Variants in RSU1 observed in about 807,000 individuals in gnomAD.
The protein encoded by RSU1 is rsu-1.
A neutral mutation model predicts 31.1 loss-of-function variants in RSU1; 26 were observed. The observed-to-expected ratio is 0.84, with a 90% CI of 0.61 to 1.16. RSU1 has a LOEUF of 1.16. RSU1 is among the 50% of genes most tolerant of loss of function. The pLI is 0.00. For synonymous variants in RSU1, 164 were observed against 136.3 expected, an observed-to-expected ratio of 1.20 and a Z score of -1.41; for missense variants, 320 against 339.1, an observed-to-expected ratio of 0.94 and a Z score of 0.44.
chr10:16,714,071 G>T (rs1347156014), intron 7 of RSU1, among the ~76,000 whole-genome samples: 1 of 152,182 alleles, frequency 6.6e-6, no homozygotes, highest in Non-Finnish European at 1.5e-5. Context: ...GAATATGTAT[G>T]GGTGTGGAGG....
rs1564298222 is a variant in RSU1 at position 16,645,901 on chromosome 10, CACATATATGTATATATATGTGTATAT to C, written c.731+49096_731+49121del. Among the ~76,000 whole-genome samples the C allele has an allele frequency of 7.3e-4, 37 of 50,598 alleles. 6 individuals are homozygous for C. The highest frequency in any genetic ancestry group is 2.3e-4 in the Non-Finnish European group (7 of 30,698). The allele number at this position is 50,598 out of a possible 152,430, so 33.2% of individuals were successfully genotyped here. On this transcript the variant is annotated intron_variant, in intron 8 of 8. Coordinates refer to ENST00000345264, the MANE Select transcript of RSU1 (RefSeq NM_012425.4). ...ATGTGTATATACATATATGTATATACACATATATGTATATATATGTGTATATACACATATGTGTATATATATGTGTA... is the reference window on the plus strand; with the variant it reads ...ATGTGTATATACATATATGTATATACACACATATGTGTATATATATGTGTA...
chr10:16,668,965 G>C (rs1835051483), intron 8 of RSU1, among the ~76,000 whole-genome samples: 1 of 151,380 alleles, frequency 6.6e-6, no homozygotes, highest in African/African-American at 2.5e-5. Flanking sequence ...ATATAGTTAT[G>C]GCCATAGACA....
intron 8 of RSU1, among the ~76,000 whole-genome samples, chr10:16,672,662 C>T (rs1242688472): frequency 6.6e-6 from 1 of 151,788 alleles, no homozygotes. Context: ...TTATCGAACA[C>T]TCTACAAAAT....
intron 8 of RSU1, among the ~76,000 whole-genome samples, chr10:16,603,986 A>G (rs1833755324): frequency 6.6e-6 from 1 of 152,170 alleles, no homozygotes; most frequent in African/African-American, 2.4e-5. Context: ...CTCAGAACCT[A>G]AATAGTAATC....
At chr10:16,707,117 T>C (rs1373290423) in intron 7 of RSU1, among the ~76,000 whole-genome samples, 6 of 152,228 alleles carry the variant, frequency 3.9e-5, no homozygotes, top group Admixed American at 2.6e-4. Context: ...ATTATGTATA[T>C]ATACATTTTC....
intron 7 of RSU1, among the ~76,000 whole-genome samples, chr10:16,742,431 C>T (rs941176825): frequency 6.6e-6 from 1 of 152,112 alleles, no homozygotes; most frequent in Non-Finnish European, 1.5e-5. Flanking sequence ...CTCTCACACT[C>T]ACACACGCAT....
intron 3 of RSU1, among the ~76,000 whole-genome samples, chr10:16,771,086 G>GGC (rs1294430368): frequency 2.6e-5 from 4 of 152,040 alleles, no homozygotes; most frequent in Admixed American, 1.3e-4. Context: ...GACAGAGGAT[G>GGC]GCAGAGGATA....
intron 2 of RSU1, among the ~76,000 whole-genome samples, chr10:16,806,926 G>A (rs1219845365): frequency 6.6e-6 from 1 of 152,120 alleles, no homozygotes; most frequent in Non-Finnish European, 1.5e-5. Context: ...GCTAATTCTT[G>A]TATTGTTAGT....
chr10:16,635,229 G>A (rs1034751667), intron 8 of RSU1, among the ~76,000 whole-genome samples: 1 of 152,208 alleles, frequency 6.6e-6, no homozygotes, highest in African/African-American at 2.4e-5. Context: ...ATGCAGCAAT[G>A]AGAAGAGAAA....
At chr10:16,793,561 T>C (rs1362725223) in intron 2 of RSU1, among the ~76,000 whole-genome samples, 2 of 152,038 alleles carry the variant, frequency 1.3e-5, no homozygotes, top group African/African-American at 4.8e-5. Context: ...CAGTTTTTGC[T>C]CCAGGAAAAA....
chr10:16,746,305 G>A (rs770600223), intron 7 of RSU1, among the ~76,000 whole-genome samples: 43 of 152,180 alleles, frequency 2.8e-4, no homozygotes, highest in Admixed American at 1.7e-3. Context: ...GCAGACATAC[G>A]TCCCATAGGC....
At chr10:16,605,184 C>T (rs748051000) in intron 8 of RSU1, among the ~76,000 whole-genome samples, 5 of 152,202 alleles carry the variant, frequency 3.3e-5, no homozygotes, top group Non-Finnish European at 5.9e-5. Context: ...TTGATGAATA[C>T]GTCACCACTC....
intron 8 of RSU1, among the ~76,000 whole-genome samples, chr10:16,656,989 T>C (rs1024123861): frequency 5.9e-5 from 9 of 152,238 alleles, no homozygotes; most frequent in Non-Finnish European, 1.2e-4. Context: ...CTTTAAATCT[T>C]GGAAATATGC....
intron 7 of RSU1, among the ~76,000 whole-genome samples, chr10:16,708,657 A>G (rs1835954678): frequency 1.3e-5 from 2 of 152,110 alleles, no homozygotes; most frequent in South Asian, 4.1e-4. Context: ...TCAAATCTGT[A>G]GATTATTTTA....
At chr10:16,817,136 G>C in intron 1 of RSU1, 52 bp from the exon 2 acceptor site, 1 of 1,353,762 alleles carries the variant, frequency 7.4e-7, no homozygotes. Context: ...GCGCAGAGGC[G>C]GAAAGGCAAG....
In RSU1 at chr10:16,660,223, G is replaced by A. The variant is rs144241106; in HGVS notation, c.731+34800C>T. Among the ~76,000 whole-genome samples, 1,395 of 152,328 alleles carry A rather than the reference G, an allele frequency of 9.2e-3. 9 individuals carry two copies. Among genetic ancestry groups the A allele is most frequent in the Non-Finnish European group, 0.013 (890 of 68,026 alleles). On this transcript the variant is annotated intron_variant, in intron 8 of 8. Coordinates refer to ENST00000345264, the MANE Select transcript of RSU1 (RefSeq NM_012425.4). ...AAAGGCTTGGGCTTCCGAAGCTCAG[G>A]TGTCTTTGGGCATGACCCAAACTCA... is the stretch of plus-strand genomic sequence containing the variant.
chr10:16,607,930 T>C (rs1833832345), intron 8 of RSU1, among the ~76,000 whole-genome samples: 1 of 152,116 alleles, frequency 6.6e-6, no homozygotes, highest in Admixed American at 6.5e-5. Flanking sequence ...TGGAACATTA[T>C]CAGCTCACTG....
intron 8 of RSU1, among the ~76,000 whole-genome samples, chr10:16,661,606 A>G (rs1447245457): frequency 6.6e-6 from 1 of 152,336 alleles, no homozygotes; most frequent in East Asian, 1.9e-4. Context: ...TCCTTGATGT[A>G]GAGCAATGGC....
intron 2 of RSU1, among the ~76,000 whole-genome samples, chr10:16,787,149 T>C (rs576190639): frequency 6.6e-6 from 1 of 152,248 alleles, no homozygotes; most frequent in African/African-American, 2.4e-5. Context: ...ATGTGCCCTT[T>C]GGAGCCACAA....
Sources: gnomAD v4.1 joint callset for allele counts (sites outside exome capture counted in the v4.1 genomes callset) on GRCh38, gnomAD v4.1.1 for gene constraint, MANE v1.5 for transcripts, NCBI Gene and HGNC (gene_info 2026-07-23, HGNC 2026-07-21) for gene names.